Variants in TTLL11 observed in about 807,000 individuals in gnomAD.
The protein encoded by TTLL11 is tubulin polyglutamylase TTLL11.
In TTLL11, 42 loss-of-function variants were observed where a neutral mutation model predicts 51.7. That is an observed-to-expected ratio of 0.81 (90% CI 0.64 to 1.05). The LOEUF (loss-of-function observed/expected upper bound fraction) is 1.05, where lower values mean the gene tolerates loss of function less well. Among genes scored for constraint, TTLL11 ranks in the 50% least tolerant of loss-of-function variants. TTLL11 has a pLI of 0.00. For synonymous variants in TTLL11, 381 were observed against 383.5 expected (o/e 0.99, Z 0.08); for missense variants, 799 against 940.4 (o/e 0.85, Z 1.97).
At position 121,820,888 on chromosome 9, in the gene TTLL11, C is replaced by T. The variant is rs1018344534; in HGVS notation, c.*1699G>A. Reference sequence around the variant, plus strand: ...GTGGGCTCTGCAGGGCTCAGTTCCACGGCCCCTCTAGGCTGGGGAAGGGCA... The same window carrying T: ...GTGGGCTCTGCAGGGCTCAGTTCCATGGCCCCTCTAGGCTGGGGAAGGGCA... On this transcript the variant is annotated 3_prime_UTR_variant, in exon 9 of 9. Coordinates refer to ENST00000321582, the MANE Select transcript of TTLL11 (RefSeq NM_001139442.2). Among the ~76,000 whole-genome samples the T allele has an allele frequency of 6.6e-6, 1 of 151,788 alleles. No individual in the cohort carries two copies. The highest frequency in any genetic ancestry group is 1.5e-5 in the Non-Finnish European group (1 of 67,972).
intron 6 of TTLL11, among the ~76,000 whole-genome samples, chr9:121,917,590 G>A (rs2131515852): frequency 7.2e-6 from 1 of 138,176 alleles, no homozygotes; most frequent in East Asian, 2.3e-4. Flanking sequence ...AGGAAAAGAA[G>A]AGAGGGAAAG....
chr9:121,989,412 C>T lies in TTLL11; in HGVS notation c.1052G>A (p.Ser351Asn). Residue 351 changes from serine to asparagine, a missense_variant, in exon 4 of 9, where the codon AGC (serine) becomes AAC (asparagine). Physicochemically the swap from Ser to Asn is conservative, Grantham distance 46 (BLOSUM62 1). Around this residue, in one of 3 missense-constraint regions of TTLL11, gnomAD observed 468 missense variants for 612.8 expected, o/e 0.76. Transcript: ENST00000321582. The surrounding 1 kb of genome is among the most constrained non-coding windows in gnomAD (Gnocchi z 4.2). ...HLTNYSLNIH[S>N]GNFIHSDSAS... ...ACTGTCCGAGTGGATGAAGTTGCCG[C>T]TGTGGATGTTCAGTGAATAGTTGGT... is the stretch of plus-strand genomic sequence containing the variant. 1.2e-6 allele frequency: 2 copies of T among 1,614,156 alleles called. No individual in the cohort carries two copies. Among genetic ancestry groups the T allele is most frequent in the Non-Finnish European group, 1.7e-6 (2 of 1,180,030 alleles).
chr9:121,835,347 A>T (rs974404624), intron 8 of TTLL11, among the ~76,000 whole-genome samples: 1 of 152,046 alleles, frequency 6.6e-6, no homozygotes, highest in Non-Finnish European at 1.5e-5. Context: ...GTCACACTCC[A>T]CCTGCCCAAG....
chr9:122,004,086 C>T (rs1226131068), intron 3 of TTLL11, among the ~76,000 whole-genome samples: 1 of 151,682 alleles, frequency 6.6e-6, no homozygotes, highest in Non-Finnish European at 1.5e-5. Context: ...CACGCCATTA[C>T]ACTCCAGCCT....
intron 6 of TTLL11, among the ~76,000 whole-genome samples, chr9:121,874,705 A>C (rs527598330): frequency 6.6e-6 from 1 of 152,058 alleles, no homozygotes; most frequent in African/African-American, 2.4e-5. Flanking sequence ...ATTTGACTAA[A>C]TAGAGTCAGT....
chr9:122,079,078 G>A (rs1432572974), intron 1 of TTLL11, among the ~76,000 whole-genome samples: 2 of 151,746 alleles, frequency 1.3e-5, no homozygotes, highest in South Asian at 2.1e-4. Flanking sequence ...ATATGTTTTC[G>A]TTTCTCTTGG....
intron 7 of TTLL11, among the ~76,000 whole-genome samples, chr9:121,866,229 G>C (rs939229028): frequency 6.6e-6 from 1 of 152,202 alleles, no homozygotes; most frequent in Admixed American, 6.5e-5. Flanking sequence ...AACAGAGAGA[G>C]AGAAGGGTTG....
intron 6 of TTLL11, among the ~76,000 whole-genome samples, chr9:121,888,719 A>G (rs1440968215): frequency 6.6e-6 from 1 of 152,276 alleles, no homozygotes; most frequent in Non-Finnish European, 1.5e-5. Flanking sequence ...TTCTGCCTAT[A>G]AAATGGCATG....
intron 1 of TTLL11, among the ~76,000 whole-genome samples, chr9:122,054,600 CA>C (rs1845243707): frequency 6.6e-6 from 1 of 152,102 alleles, no homozygotes; most frequent in Non-Finnish European, 1.5e-5. Flanking sequence ...ATACAAACAA[CA>C]AAATAATCTC....
At chr9:121,937,643 TG>T (rs1212414246) in intron 6 of TTLL11, among the ~76,000 whole-genome samples, 1 of 147,486 alleles carries the variant, frequency 6.8e-6, no homozygotes, top group Non-Finnish European at 1.5e-5. Context: ...TGGAAATCAA[TG>T]GAAGCAAAAT....
Position 121,989,916 on chromosome 9 carries a change from A to G in TTLL11, c.694-146T>C. ...CAGGGGCTGAGCATCTTCCATGGAG[A>G]TGACACTGCACAAGGTACTGAGATG... On this transcript the variant is annotated intron_variant, in intron 3 of 8. Coordinates refer to ENST00000321582, the MANE Select transcript of TTLL11 (RefSeq NM_001139442.2). The surrounding 1 kb of genome is among the most constrained non-coding windows in gnomAD (Gnocchi z 4.2). 2.1e-6 allele frequency: 3 copies of G among 1,460,574 alleles called. No individual in the cohort carries two copies. Among genetic ancestry groups the G allele is most frequent in the Non-Finnish European group, 2.7e-6 (3 of 1,111,584 alleles). 90.5% of individuals were successfully genotyped at this position (1,460,574 alleles called of 1,614,324 possible). A position where few individuals can be genotyped will look rare whatever the true frequency, so the allele number is the denominator to read the frequency against.
chr9:121,826,218 G>GCACACA (rs1491244955), intron 8 of TTLL11, among the ~76,000 whole-genome samples: 1,145 of 58,530 alleles, frequency 0.02, 158 homozygotes, highest in African/African-American at 0.074. Context: ...ATATATATAT[G>GCACACA]CACACATATA....
intron 8 of TTLL11, among the ~76,000 whole-genome samples, chr9:121,832,272 CTGAA>C (rs749988638): frequency 6.6e-6 from 1 of 152,140 alleles, no homozygotes; most frequent in Non-Finnish European, 1.5e-5. Context: ...ACTCAAGTCT[CTGAA>C]TTTACCTGAG....
At chr9:121,919,460 A>T (rs1047004535) in intron 6 of TTLL11, among the ~76,000 whole-genome samples, 5 of 152,244 alleles carry the variant, frequency 3.3e-5, no homozygotes, top group African/African-American at 7.2e-5. Flanking sequence ...AAGGTTAAAG[A>T]CAAACACAAA....
Position 122,092,647 on chromosome 9 carries a change from C to T in TTLL11, c.462+40G>A, listed in dbSNP as rs769996907. ...GAGACCTCTGAGGTCGTCCTGTCCA[C>T]CCCACTGTGCCCACGCGGCCGGGTC... On this transcript the variant is annotated intron_variant, in intron 1 of 8. Coordinates refer to ENST00000321582, the MANE Select transcript of TTLL11 (RefSeq NM_001139442.2). The T allele has an allele frequency of 1.1e-5, 17 of 1,535,244 alleles. No homozygotes were observed. In the South Asian group the frequency reaches 1.9e-4, roughly 17 times the overall value.
At chr9:122,040,375 G>T in intron 1 of TTLL11, 1 of 985,106 alleles carries the variant, frequency 1.0e-6, no homozygotes, top group South Asian at 4.7e-5. Flanking sequence ...ATTTCTCACC[G>T]AGACAAAAGG....
At chr9:122,071,104 T>C (rs1845714820) in intron 1 of TTLL11, among the ~76,000 whole-genome samples, 1 of 152,162 alleles carries the variant, frequency 6.6e-6, no homozygotes, top group Non-Finnish European at 1.5e-5. Flanking sequence ...AGAAAACTAA[T>C]GCAAAAGCAT....
intron 6 of TTLL11, among the ~76,000 whole-genome samples, chr9:121,961,493 C>T (rs1375560961): frequency 6.6e-6 from 1 of 152,058 alleles, no homozygotes; most frequent in Non-Finnish European, 1.5e-5. Context: ...CCAAATTTAC[C>T]CCCAAGAGTC....
intron 6 of TTLL11, among the ~76,000 whole-genome samples, chr9:121,959,389 G>T (rs1379472861): frequency 6.6e-6 from 1 of 152,172 alleles, no homozygotes; most frequent in Non-Finnish European, 1.5e-5. Flanking sequence ...CTACCTATTA[G>T]ATAATATCGC....
Sources: gnomAD v4.1 joint callset for allele counts (sites outside exome capture counted in the v4.1 genomes callset) on GRCh38, gnomAD v4.1.1 for gene constraint, gnomAD v4.1.1 regional missense constraint, Gnocchi (gnomAD v3.1) non-coding constraint, MANE v1.5 for transcripts, NCBI Gene and HGNC (gene_info 2026-07-23, HGNC 2026-07-21) for gene names.